Variants in PUM3 observed in about 807,000 individuals in gnomAD.
The protein encoded by PUM3 is pumilio RNA binding family member 3, also known as pumilio homolog 3.
Under a neutral mutation model 84.0 loss-of-function variants are expected in PUM3, and 91 were observed. The ratio of observed to expected loss-of-function variants is 1.08; its 90% CI spans 0.91 to 1.29. The LOEUF (loss-of-function observed/expected upper bound fraction) is 1.29. Among genes scored for constraint, PUM3 ranks in the 50% most tolerant of loss-of-function variants. The probability of loss-of-function intolerance (pLI) is 0.00; values close to 1 mark genes in which losing one functional copy is unlikely to be tolerated. For missense variants in PUM3, 1,067 were observed against 767.5 expected (o/e 1.39, Z -4.61); for synonymous variants, 321 against 266.7 (o/e 1.20, Z -1.98).
intron 13 of PUM3, among the ~76,000 whole-genome samples, chr9:2,814,430 C>T (rs913424518): frequency 3.3e-5 from 5 of 152,066 alleles, no homozygotes; most frequent in South Asian, 4.2e-4. Context: ...AGGCTGGTCT[C>T]GAACTCCTAA....
intron 5 of PUM3, 60 bp downstream of exon 5, chr9:2,833,297 T>TC: frequency 1.2e-6 from 1 of 850,246 alleles, no homozygotes; most frequent in Non-Finnish European, 1.9e-6. Context: ...GGTCAGCTAC[T>TC]CCTGAGAGTG....
In PUM3 at chr9:2,829,966, A is replaced by T. The variant is rs201823775; in HGVS notation, c.678-18T>A. On this transcript the variant is annotated intron_variant, in intron 7 of 17. Coordinates refer to ENST00000397885, the MANE Select transcript of PUM3 (RefSeq NM_014878.5). ...GTTTACTTCTAAACGCAACACAATC[A>T]TGGAAAAATAAATGATAGAAGGAGA... 1 of 1,591,524 alleles carries T rather than the reference A, an allele frequency of 6.3e-7. No individual in the cohort carries two copies. Among genetic ancestry groups the T allele is most frequent in the South Asian group, 1.1e-5 (1 of 89,316 alleles).
chr9:2,810,060 C>G (rs1306588382), intron 16 of PUM3, among the ~76,000 whole-genome samples: 1 of 149,150 alleles, frequency 6.7e-6, no homozygotes, highest in Non-Finnish European at 1.5e-5. Flanking sequence ...AGGTTAGAAG[C>G]CTGCAGCAGC....
chr9:2,837,165 C>A lies in PUM3; in HGVS notation c.304+15G>T, dbSNP rs769753394. On this transcript the variant is annotated intron_variant, in intron 3 of 17. Transcript: ENST00000397885. ...GTTCAGGCACTAGTTCAGGCATGAA[C>A]GAACCAGTACTTACCATCGCTTCTA... is the stretch of plus-strand genomic sequence containing the variant. 8.7e-6 allele frequency: 14 copies of A among 1,608,216 alleles called. No homozygotes were observed. Among genetic ancestry groups the A allele is most frequent in the Admixed American group, 8.3e-5 (5 of 59,994 alleles).
chr9:2,810,491 G>T, intron 15 of PUM3, 60 bp from the exon 16 acceptor site: 2 of 1,158,496 alleles, frequency 1.7e-6, no homozygotes, highest in Non-Finnish European at 2.5e-6. Context: ...AAATACATTT[G>T]AATGAATACA....
intron 1 of PUM3, among the ~76,000 whole-genome samples, chr9:2,843,225 C>T (rs1232608568): frequency 6.6e-6 from 1 of 152,140 alleles, no homozygotes; most frequent in African/African-American, 2.4e-5. Context: ...CCACTCTATC[C>T]GGCTAACTTT....
At chr9:2,816,069 G>A (rs976119410) in intron 13 of PUM3, among the ~76,000 whole-genome samples, 5 of 152,172 alleles carry the variant, frequency 3.3e-5, no homozygotes, top group Admixed American at 1.3e-4. Flanking sequence ...AGGCGTGTGC[G>A]TTTTTGGTTG....
Position 2,820,025 on chromosome 9 carries a change from A to G in PUM3, c.1262T>C (p.Ile421Thr), listed in dbSNP as rs1415890520. Residue 421 changes from isoleucine to threonine, a missense_variant, in exon 13 of 18, where the codon ATC becomes ACC. Coordinates refer to ENST00000397885, the MANE Select transcript of PUM3 (RefSeq NM_014878.5). ...IDDTKLVKQI[I>T]ISEIISSLPS... ...ACCATCAGGATTACTTACTGATATG[A>G]TTATCTGCTTCACAAGCTTAGTATC... The G allele has an allele frequency of 2.5e-6, 4 of 1,604,784 alleles. No homozygotes were observed. The highest frequency in any genetic ancestry group is 3.4e-6 in the Non-Finnish European group (4 of 1,172,084).
intron 1 of PUM3, 85 bp downstream of exon 1, chr9:2,843,960 C>G (rs1816338540): frequency 6.5e-6 from 1 of 153,678 alleles, no homozygotes; most frequent in South Asian, 2.1e-4. Flanking sequence ...CAGTGGACAA[C>G]AGCCCCGAGA....
chr9:2,815,542 T>A (rs117938263), intron 13 of PUM3, among the ~76,000 whole-genome samples: 3 of 152,228 alleles, frequency 2.0e-5, no homozygotes, highest in African/African-American at 7.2e-5. Flanking sequence ...TTAAACTCTT[T>A]GCATATTAAT....
At position 2,838,480 on chromosome 9, in the gene PUM3, T is replaced by C; in HGVS notation, c.28A>G (p.Thr10Ala). 1 of 1,613,658 alleles carries C rather than the reference T, an allele frequency of 6.2e-7. No individual in the cohort carries two copies. Among genetic ancestry groups the C allele is most frequent in the East Asian group, 2.2e-5 (1 of 44,852 alleles). The change falls in exon 2 of 18, where the codon ACA becomes GCA. Residue 10 changes from threonine to alanine, a missense_variant. Physicochemically the swap from Thr to Ala is moderately conservative, Grantham distance 58. Transcript: ENST00000397885. Reference protein sequence around the residue: MEVKGKKQFTGKSTKTAQEK... With the variant: MEVKGKKQFAGKSTKTAQEK... ...TGTGCTGTCTTTGTACTCTTTCCTGTGAATTGCTTTTTCCCTTTAACTTCC... is the reference window on the plus strand; with the variant it reads ...TGTGCTGTCTTTGTACTCTTTCCTGCGAATTGCTTTTTCCCTTTAACTTCC...
intron 1 of PUM3, among the ~76,000 whole-genome samples, chr9:2,839,427 G>T (rs1292209228): frequency 6.6e-6 from 1 of 152,182 alleles, no homozygotes; most frequent in Admixed American, 6.5e-5. Context: ...AGGGTTCTGG[G>T]ATAAAATATA....
chr9:2,824,231 T>C (rs577723345), intron 11 of PUM3, among the ~76,000 whole-genome samples: 1 of 152,326 alleles, frequency 6.6e-6, no homozygotes, highest in African/African-American at 2.4e-5. Flanking sequence ...ATAGTACAAC[T>C]ATCTTTTAAA....
intron 13 of PUM3, among the ~76,000 whole-genome samples, chr9:2,817,900 T>C (rs142857678): frequency 2.0e-5 from 3 of 152,324 alleles, no homozygotes; most frequent in Admixed American, 6.5e-5. Flanking sequence ...CTTATTTACT[T>C]TCCAGCGACC....
rs1815969473 is a variant in PUM3, at chr9:2,831,185, G to A, written c.610+66C>T. The A allele has an allele frequency of 7.4e-5, 89 of 1,200,930 alleles. 1 individual carries two copies. The South Asian group carries it at 1.1e-3, about 14-fold the overall frequency. The allele number at this position is 1,200,930 out of a possible 1,614,324, so 74.4% of individuals were successfully genotyped here. A position where few individuals can be genotyped will look rare whatever the true frequency, so the allele number is the denominator to read the frequency against. On this transcript the variant is annotated intron_variant, in intron 6 of 17. Transcript: ENST00000397885. ...AAATTGTTTTCTAGGACAGTCTTGG[G>A]TATTTTAAGAGAAAACAAGTGACTT...
At chr9:2,809,867 C>A (rs762952287) in intron 16 of PUM3, among the ~76,000 whole-genome samples, 1 of 152,138 alleles carries the variant, frequency 6.6e-6, no homozygotes, top group African/African-American at 2.4e-5. Flanking sequence ...TATTTCAATG[C>A]CAAATAAACA....
At position 2,828,712 on chromosome 9, in the gene PUM3, C is replaced by A; in HGVS notation, c.919G>T (p.Asp307Tyr). 1.2e-6 allele frequency: 2 copies of A among 1,608,268 alleles called. No homozygotes were observed. The highest frequency in any genetic ancestry group is 1.7e-6 in the Non-Finnish European group (2 of 1,174,860). The change falls in exon 9 of 18, where the codon GAT (aspartate) becomes TAT (tyrosine). Residue 307 changes from aspartate (D) to tyrosine (Y), a missense_variant. Coordinates refer to ENST00000397885, the MANE Select transcript of PUM3 (RefSeq NM_014878.5). ...VQPEKLELIM[D>Y]EMKQILTPMA... ...GGAGTTAGAATCTGTTTCATTTCAT[C>A]CATAATAAGTTCTAATTTTTCTGGC...
Position 2,812,280 on chromosome 9 carries a change from G to A in PUM3, c.1352C>T (p.Pro451Leu), listed in dbSNP as rs1284941872. 10 of 1,611,948 alleles carry A rather than the reference G, an allele frequency of 6.2e-6. No individual in the cohort carries two copies. The highest frequency in any genetic ancestry group is 1.7e-5 in the Admixed American group (1 of 59,982). ...VLLYLLSPRDPAHTVREIIEV... is the reference protein window; with the variant it reads ...VLLYLLSPRDLAHTVREIIEV... ...AATGATTTCTCGTACTGTATGTGCA[G>A]GATCTCTGGGGCTTAGTAAGTACAA... The change falls in exon 14 of 18, where the codon CCT (proline) becomes CTT (leucine). Residue 451 changes from proline (P) to leucine (L), a missense_variant. Transcript: ENST00000397885.
intron 13 of PUM3, among the ~76,000 whole-genome samples, chr9:2,815,245 T>C (rs527520824): frequency 2.6e-5 from 4 of 152,220 alleles, no homozygotes; most frequent in Non-Finnish European, 5.9e-5. Flanking sequence ...CCCACCTTAT[T>C]GATCAGCAAA....
Sources: allele counts gnomAD v4.1 joint callset (sites outside exome capture counted in the v4.1 genomes callset), GRCh38; gene constraint gnomAD v4.1.1; transcripts MANE v1.5; gene names NCBI Gene and HGNC (gene_info 2026-07-23, HGNC 2026-07-21).